The following EDAR variants were observed in gnomAD, a reference collection of about 807,000 sequenced individuals.
EDAR encodes the protein ectodysplasin A receptor, also known as tumor necrosis factor receptor superfamily member EDAR.
A neutral mutation model predicts 51.3 loss-of-function variants in EDAR; 38 were observed. The ratio of observed to expected loss-of-function variants is 0.74; its 90% confidence interval spans 0.57 to 0.97. The LOEUF (loss-of-function observed/expected upper bound fraction) is 0.97. EDAR is among the 50% of genes least tolerant of loss of function. The pLI is 0.00. For synonymous variants in EDAR, 227 were observed against 242.1 expected, an observed-to-expected ratio of 0.94 and a Z score of 0.58; for missense variants, 528 against 595.0, an observed-to-expected ratio of 0.89 and a Z score of 1.17.
intron 5 of EDAR, among the ~76,000 whole-genome samples, chr2:108,913,002 G>A (rs536006653): frequency 1.6e-4 from 24 of 148,578 alleles, no homozygotes; most frequent in Admixed American, 1.3e-3. Context: ...AGGCTACAGT[G>A]CAGTGGCGTG....
In EDAR at chr2:108,971,698, CA is replaced by C. The variant is rs1698237157; in HGVS notation, c.-19+17261del. The stretch of plus-strand genomic sequence containing the variant: ...TTAGAGCAATTTGCCCAAGGTTACA[CA>C]GAAGTTAAAGAGGAGTTGGCATTAG... On this transcript the variant is annotated intron_variant, in intron 1 of 11. Transcript: ENST00000258443. Among the ~76,000 whole-genome samples the C allele has an allele frequency of 1.5e-4, 23 of 152,310 alleles. 1 individual carries two copies. The South Asian group carries it at 4.6e-3, about 30-fold the overall frequency.
At chr2:108,971,637 C>T (rs1698235345) in intron 1 of EDAR, among the ~76,000 whole-genome samples, 1 of 152,140 alleles carries the variant, frequency 6.6e-6, no homozygotes, top group Non-Finnish European at 1.5e-5. Flanking sequence ...GATCAGCTCT[C>T]TCATTTTATG....
intron 1 of EDAR, among the ~76,000 whole-genome samples, chr2:108,932,762 G>A (rs905335599): frequency 6.6e-6 from 1 of 152,090 alleles, no homozygotes; most frequent in Non-Finnish European, 1.5e-5. Flanking sequence ...CCAATGCCAA[G>A]TACATATGTG....
intron 4 of EDAR, among the ~76,000 whole-genome samples, chr2:108,924,609 T>C (rs1697217464): frequency 6.6e-6 from 1 of 152,214 alleles, no homozygotes; most frequent in African/African-American, 2.4e-5. Flanking sequence ...AGCAGCAGCC[T>C]GGCACGGGGG....
At chr2:108,929,145 CG>C in intron 4 of EDAR, 52 bp downstream of exon 4, 2 of 1,605,664 alleles carry the variant, frequency 1.2e-6, no homozygotes, top group South Asian at 2.2e-5. Context: ...CGTAGCCCCT[CG>C]GGGTTTTCTG....
chr2:108,966,357 C>T (rs1366235589), intron 1 of EDAR, among the ~76,000 whole-genome samples: 2 of 152,226 alleles, frequency 1.3e-5, no homozygotes, highest in African/African-American at 4.8e-5. Context: ...CTGAGACTGG[C>T]ATTAAGTCCC....
At chr2:108,915,345 G>T (rs1468847516) in intron 5 of EDAR, among the ~76,000 whole-genome samples, 1 of 152,204 alleles carries the variant, frequency 6.6e-6, no homozygotes, top group East Asian at 1.9e-4. Flanking sequence ...ACAGGAGAAT[G>T]GGCTGGATGC....
At chr2:108,952,043 G>A (rs1256363069) in intron 1 of EDAR, among the ~76,000 whole-genome samples, 1 of 152,172 alleles carries the variant, frequency 6.6e-6, no homozygotes, top group Admixed American at 6.5e-5. Context: ...TTTTTCTCTT[G>A]TTACTGCTTT....
intron 5 of EDAR, 22 bp downstream of exon 5, chr2:108,923,346 G>A: frequency 1.2e-6 from 2 of 1,610,196 alleles, no homozygotes; most frequent in South Asian, 1.1e-5. Flanking sequence ...TACCGTGCTG[G>A]TGGAAGGACA....
intron 1 of EDAR, among the ~76,000 whole-genome samples, chr2:108,973,051 A>G (rs576131097): frequency 2.2e-4 from 33 of 152,132 alleles, no homozygotes; most frequent in Middle Eastern, 3.4e-3. Flanking sequence ...CAGTGGCGCA[A>G]TTTCAGCTCA....
At position 108,912,733 on chromosome 2, in the gene EDAR, G is replaced by T. The variant is rs777978272; in HGVS notation, c.474C>A (p.Asn158Lys). The change falls in exon 6 of 12, where the codon AAC becomes AAA. Residue 158 changes from asparagine to lysine, a missense_variant. Physicochemically the swap from Asn to Lys is moderately conservative, Grantham distance 94. Transcript: ENST00000258443. Reference protein sequence around the residue: ...CVGATSGASANFPGTSGSSTL... With the variant: ...CVGATSGASAKFPGTSGSSTL... ...TGCTGCTGCCCGAGGTGCCAGGGAA[G>T]TTGGCAGAAGCTCCTGAAGTGGCTC... The T allele has an allele frequency of 6.2e-7, 1 of 1,602,144 alleles. No individual in the cohort carries two copies. Among genetic ancestry groups the T allele is most frequent in the Admixed American group, 1.7e-5 (1 of 58,482 alleles).
rs368841777 is a variant in EDAR, at chr2:108,923,367, C to T, written c.442+1G>A. The T allele has an allele frequency of 3.3e-5, 53 of 1,614,036 alleles. No individual in the cohort carries two copies. The highest frequency in any genetic ancestry group is 4.4e-5 in the Non-Finnish European group (52 of 1,179,862). Reference sequence around the variant, plus strand: ...GCTGGTGGAAGGACAAAGACACTCACATTCCTTGGTGTTGGGGGGTGCCAG... The same window carrying T: ...GCTGGTGGAAGGACAAAGACACTCATATTCCTTGGTGTTGGGGGGTGCCAG... On this transcript the variant is annotated splice_donor_variant, in intron 5 of 11. Transcript: ENST00000258443. LOFTEE classifies it high-confidence loss of function.
chr2:108,954,279 G>A (rs1697879370), intron 1 of EDAR, among the ~76,000 whole-genome samples: 1 of 152,182 alleles, frequency 6.6e-6, no homozygotes, highest in South Asian at 2.1e-4. Context: ...TGGGCAGATA[G>A]CTATACATCA....
Position 108,910,827 on chromosome 2 carries a change from TC to T in EDAR, c.678del (p.Lys227ArgfsTer7). ...TTGCTCACTTGGGCCTCCACGCTCTTCCCCGGGTGGCTGGTGCAACAGGCTG... is the reference window on the plus strand; with the variant it reads ...TTGCTCACTTGGGCCTCCACGCTCTTCCCGGGTGGCTGGTGCAACAGGCTG... ...SAPACCTSHP[G>X]KSVEAQVSKD... On this transcript the variant is annotated frameshift_variant, in exon 8 of 12. Coordinates refer to ENST00000258443, the MANE Select transcript of EDAR (RefSeq NM_022336.4). LOFTEE classifies it high-confidence loss of function. The T allele has an allele frequency of 6.2e-7, 1 of 1,613,952 alleles. No individual in the cohort carries two copies. Among genetic ancestry groups the T allele is most frequent in the Middle Eastern group, 1.7e-4 (1 of 6,010 alleles).
intron 1 of EDAR, among the ~76,000 whole-genome samples, chr2:108,941,189 C>G (rs572204565): frequency 6.6e-6 from 1 of 152,194 alleles, no homozygotes; most frequent in African/African-American, 2.4e-5. Context: ...ATTGCCGAAT[C>G]GTATTCCACT....
intron 5 of EDAR, among the ~76,000 whole-genome samples, chr2:108,921,104 C>G (rs931617179): frequency 6.6e-6 from 1 of 152,212 alleles, no homozygotes; most frequent in Non-Finnish European, 1.5e-5. Context: ...GAATCACCCC[C>G]CTGAAACCCT....
At chr2:108,910,887 CGACAGGGGGAGTT>C (rs777519649) in intron 7 of EDAR, 37 bp from the exon 8 acceptor site, 1 of 1,613,862 alleles carries the variant, frequency 6.2e-7, no homozygotes, top group Non-Finnish European at 8.5e-7. Flanking sequence ...CCAGGCTCTC[CGACAGGGGGAGTT>C]GACGGAGAGT....
rs1362056735 is a variant in EDAR, at chr2:108,895,423, G to A, written c.*1484C>T. On this transcript the variant is annotated 3_prime_UTR_variant, in exon 12 of 12. Coordinates refer to ENST00000258443, the MANE Select transcript of EDAR (RefSeq NM_022336.4). ...TGGTGTGATCACTAGCCTGGCTCCTGAGCTCTTGGCAGTTACAGGGATAGT... is the reference window on the plus strand; with the variant it reads ...TGGTGTGATCACTAGCCTGGCTCCTAAGCTCTTGGCAGTTACAGGGATAGT... 1 of 152,590 alleles carries A rather than the reference G, an allele frequency of 6.6e-6. No homozygotes were observed. The highest frequency in any genetic ancestry group is 2.4e-5 in the African/African-American group (1 of 41,446). The allele number at this position is 152,590 out of a possible 1,614,324, so 9.5% of individuals were successfully genotyped here.
At chr2:108,967,800 T>A (rs984407916) in intron 1 of EDAR, among the ~76,000 whole-genome samples, 39 of 152,166 alleles carry the variant, frequency 2.6e-4, no homozygotes, top group African/African-American at 8.2e-4. Context: ...GGATATTTTT[T>A]AAAAGGAAAG....
Sources: allele counts gnomAD v4.1 joint callset (sites outside exome capture counted in the v4.1 genomes callset), GRCh38; gene constraint gnomAD v4.1.1; transcripts MANE v1.5; gene names NCBI Gene and HGNC (gene_info 2026-07-23, HGNC 2026-07-21).